Variants in CELF4 observed in about 807,000 individuals in gnomAD.
CELF4 encodes the protein CUGBP Elav-like family member 4.
Under a neutral mutation model 59.9 loss-of-function variants are expected in CELF4, and 18 were observed. That is an observed-to-expected ratio of 0.30 (90% CI 0.21 to 0.45). CELF4 has a LOEUF of 0.45. CELF4 is among the 20% of genes least tolerant of loss of function. The probability of loss-of-function intolerance (pLI) is 1.00; values close to 1 mark genes in which losing one functional copy is unlikely to be tolerated. For missense variants in CELF4, 456 were observed against 689.0 expected (o/e 0.66, Z 3.79); for synonymous variants, 261 against 267.1 (o/e 0.98, Z 0.22).
chr18:37,257,031 A>C (rs1040464955), intron 11 of CELF4, among the ~76,000 whole-genome samples: 3 of 152,204 alleles, frequency 2.0e-5, no homozygotes. Flanking sequence ...TATGCTCGAC[A>C]TCAGAAATTT....
intron 2 of CELF4, among the ~76,000 whole-genome samples, chr18:37,326,454 G>C (rs537527597): frequency 6.6e-6 from 1 of 152,288 alleles, no homozygotes; most frequent in East Asian, 1.9e-4. Context: ...GCTTGTGGCT[G>C]CTGGGAATCT....
At chr18:37,319,271 G>T (rs942634218) in intron 3 of CELF4, among the ~76,000 whole-genome samples, 1 of 152,248 alleles carries the variant, frequency 6.6e-6, no homozygotes, top group Admixed American at 6.5e-5. Context: ...CCAAGGAAGG[G>T]ACAGGAGCAG....
intron 3 of CELF4, among the ~76,000 whole-genome samples, chr18:37,300,093 C>T (rs1446092033): frequency 2.0e-5 from 3 of 152,214 alleles, no homozygotes; most frequent in Admixed American, 6.5e-5. Context: ...TGGGGTCTTC[C>T]GCCTTCACTT....
intron 2 of CELF4, among the ~76,000 whole-genome samples, chr18:37,408,841 G>A (rs1403786055): frequency 2.0e-5 from 3 of 152,154 alleles, no homozygotes; most frequent in Non-Finnish European, 4.4e-5. Context: ...CGTGGTGTGT[G>A]GGGGTGTTTG....
intron 2 of CELF4, among the ~76,000 whole-genome samples, chr18:37,356,829 C>A (rs567367534): frequency 1.3e-5 from 2 of 152,194 alleles, no homozygotes; most frequent in East Asian, 3.9e-4. Flanking sequence ...ATCTCTCTAC[C>A]GGCAGCCTGG....
At chr18:37,427,891 C>T (rs2099623991) in intron 2 of CELF4, among the ~76,000 whole-genome samples, 2 of 152,216 alleles carry the variant, frequency 1.3e-5, no homozygotes, top group Non-Finnish European at 2.9e-5. Flanking sequence ...TTTTGCTGTC[C>T]TCCTGGTCCC....
chr18:37,467,862 A>T (rs2099812559), intron 2 of CELF4, among the ~76,000 whole-genome samples: 1 of 152,198 alleles, frequency 6.6e-6, no homozygotes, highest in African/African-American at 2.4e-5. Context: ...GTGTGCCCAC[A>T]TGTGGACATG....
chr18:37,418,897 A>G (rs2099550505), intron 2 of CELF4, among the ~76,000 whole-genome samples: 1 of 152,150 alleles, frequency 6.6e-6, no homozygotes, highest in African/African-American at 2.4e-5. Context: ...GTCTGAGCAA[A>G]GGTTAGGTGT....
chr18:37,540,492 A>T (rs1220944776), intron 1 of CELF4, among the ~76,000 whole-genome samples: 2 of 152,236 alleles, frequency 1.3e-5, no homozygotes, highest in Non-Finnish European at 2.9e-5. Flanking sequence ...GAAACGAGCC[A>T]GCACGGTCAG....
intron 11 of CELF4, among the ~76,000 whole-genome samples, chr18:37,255,074 G>C (rs2068361861): frequency 6.6e-6 from 1 of 152,098 alleles, no homozygotes; most frequent in African/African-American, 2.4e-5. Flanking sequence ...TTCGACTTTA[G>C]AGGCCTTTTC....
chr18:37,469,818 G>A (rs951279932), intron 2 of CELF4, among the ~76,000 whole-genome samples: 1 of 152,176 alleles, frequency 6.6e-6, no homozygotes, highest in Non-Finnish European at 1.5e-5. Context: ...CTTAACAGGA[G>A]TTAGAAGAGT....
chr18:37,259,148 G>T, intron 11 of CELF4, 33 bp downstream of exon 11: 1 of 1,613,588 alleles, frequency 6.2e-7, no homozygotes, highest in Non-Finnish European at 8.5e-7. Context: ...TTAGTCGCCC[G>T]ATCCACAAAC....
At position 37,259,278 on chromosome 18, in the gene CELF4, AGGG is replaced by A; in HGVS notation, c.1250-17_1250-15del. ...AGCCCTCGGGCCCTGCGGTGAGGGGAGGGGGTGGGCGGGGGAGGAGGGATGGCA... is the reference window on the plus strand; with the variant it reads ...AGCCCTCGGGCCCTGCGGTGAGGGGAGGTGGGCGGGGGAGGAGGGATGGCA... On this transcript the variant is annotated splice_polypyrimidine_tract_variant and intron_variant, in intron 10 of 12. Coordinates refer to ENST00000420428, the MANE Select transcript of CELF4 (RefSeq NM_020180.4). 1 of 151,034 alleles carries A rather than the reference AGGG, an allele frequency of 6.6e-6. No homozygotes were observed. The highest frequency in any genetic ancestry group is 1.3e-5 in the Non-Finnish European group (1 of 78,042). 9.4% of individuals were successfully genotyped at this position (151,034 alleles called of 1,614,324 possible). A position where few individuals can be genotyped will look rare whatever the true frequency, so the allele number is the denominator to read the frequency against.
At chr18:37,280,091 T>C (rs141674950) in intron 3 of CELF4, among the ~76,000 whole-genome samples, 2 of 152,312 alleles carry the variant, frequency 1.3e-5, no homozygotes, top group Non-Finnish European at 2.9e-5. Context: ...GAGGGCATCT[T>C]GGCTCTTTGT....
chr18:37,372,773 C>T (rs763876020), intron 2 of CELF4, among the ~76,000 whole-genome samples: 1 of 151,872 alleles, frequency 6.6e-6, no homozygotes, highest in Non-Finnish European at 1.5e-5. Context: ...AATAATTACC[C>T]AGTCTCCAGA....
chr18:37,498,133 C>T (rs2099927298), intron 1 of CELF4, among the ~76,000 whole-genome samples: 1 of 152,192 alleles, frequency 6.6e-6, no homozygotes, highest in Non-Finnish European at 1.5e-5. Context: ...TAGGGCAAAG[C>T]TCTGCATATG....
chr18:37,342,984 G>A (rs150274074), intron 2 of CELF4, among the ~76,000 whole-genome samples: 359 of 152,240 alleles, frequency 2.4e-3, no homozygotes, highest in African/African-American at 8.2e-3. Flanking sequence ...AGCCATTCCC[G>A]TCCTTACACT....
At chr18:37,260,155 G>T (rs1174547523) in intron 10 of CELF4, among the ~76,000 whole-genome samples, 3 of 152,310 alleles carry the variant, frequency 2.0e-5, no homozygotes, top group East Asian at 3.9e-4. Context: ...GCTGGGAGGG[G>T]CCTGGAGCCA....
chr18:37,293,315 C>A (rs2095454134), intron 3 of CELF4, among the ~76,000 whole-genome samples: 2 of 152,306 alleles, frequency 1.3e-5, no homozygotes, highest in South Asian at 4.1e-4. Context: ...TCTTTCCTTG[C>A]CCCTTCCTAG....
Sources: allele counts gnomAD v4.1 joint callset (sites outside exome capture counted in the v4.1 genomes callset), GRCh38; gene constraint gnomAD v4.1.1; transcripts MANE v1.5; gene names NCBI Gene and HGNC (gene_info 2026-07-23, HGNC 2026-07-21).